Variants in TNKS observed in about 807,000 individuals in gnomAD.
TNKS encodes the protein poly [ADP-ribose] polymerase tankyrase-1.
Under a neutral mutation model 135.8 loss-of-function variants are expected in TNKS, and 72 were observed. The ratio of observed to expected loss-of-function variants is 0.53; its 90% CI spans 0.44 to 0.64. TNKS has a LOEUF of 0.64. Ranked by LOEUF, TNKS falls within the 30% of genes least tolerant of loss-of-function variation. The probability of loss-of-function intolerance (pLI) is 0.00; values close to 1 mark genes in which losing one functional copy is unlikely to be tolerated. For synonymous variants in TNKS, 849 were observed against 649.3 expected (o/e 1.31, Z -4.68); for missense variants, 1,769 against 1,674.0 (o/e 1.06, Z -0.99).
rs570354749 is a variant in TNKS at position 9,728,205 on chromosome 8, A to G, written c.2001+1485A>G. On this transcript the variant is annotated intron_variant, in intron 13 of 26. Transcript: ENST00000310430. ...TTTGATCTGTGGAATGGAAGTAGCA[A>G]AAGAAAACAAAGCAGCACAAATTGA... Among the ~76,000 whole-genome samples the G allele has an allele frequency of 5.9e-5, 9 of 152,332 alleles. No individual in the cohort carries two copies. In the South Asian group the frequency reaches 1.7e-3, roughly 28 times the overall value.
intron 13 of TNKS, among the ~76,000 whole-genome samples, chr8:9,729,029 C>T (rs1011384955): frequency 2.6e-5 from 4 of 152,192 alleles, no homozygotes; most frequent in African/African-American, 7.2e-5. Flanking sequence ...TCCAGGTACT[C>T]GTAGGCTTAG....
intron 3 of TNKS, among the ~76,000 whole-genome samples, chr8:9,654,900 CAGGACAGTGGG>C (rs1223128125): frequency 3.9e-4 from 59 of 149,770 alleles, no homozygotes; most frequent in East Asian, 1.5e-3. Flanking sequence ...ACAGTGGGTG[CAGGACAGTGGG>C]TGCAACGCAC....
chr8:9,643,164 G>C (rs1005951473), intron 3 of TNKS, among the ~76,000 whole-genome samples: 1 of 146,046 alleles, frequency 6.8e-6, no homozygotes, highest in Non-Finnish European at 1.5e-5. Context: ...TAAGAACTTC[G>C]GCAGTGCCAC....
At chr8:9,605,286 T>C (rs565567151) in intron 2 of TNKS, among the ~76,000 whole-genome samples, 1 of 152,182 alleles carries the variant, frequency 6.6e-6, no homozygotes, top group African/African-American at 2.4e-5. Flanking sequence ...CTTTTGCTCA[T>C]CATGTTTTGA....
intron 5 of TNKS, among the ~76,000 whole-genome samples, chr8:9,691,916 T>G (rs1457259576): frequency 6.6e-6 from 1 of 152,234 alleles, no homozygotes; most frequent in African/African-American, 2.4e-5. Flanking sequence ...ATTTATTTGA[T>G]ATATAGAGAG....
chr8:9,634,985 G>A (rs1009769533), intron 3 of TNKS, among the ~76,000 whole-genome samples: 1 of 151,736 alleles, frequency 6.6e-6, no homozygotes, highest in South Asian at 2.1e-4. Flanking sequence ...AGACCACGGT[G>A]AAACCCCGTC....
chr8:9,660,808 C>G (rs1801669587), intron 3 of TNKS, among the ~76,000 whole-genome samples: 1 of 152,166 alleles, frequency 6.6e-6, no homozygotes, highest in Admixed American at 6.5e-5. Flanking sequence ...TCCCTGTTTG[C>G]AGATGACATG....
At position 9,580,138 on chromosome 8, in the gene TNKS, CA is replaced by C. The variant is rs753991136; in HGVS notation, c.674-20del. ...TACAAAATCAAATATATATACAAGA[CA>C]TTTTTTCGTTTCTTTTTAGGTTTTG... On this transcript the variant is annotated intron_variant, in intron 1 of 26. Coordinates refer to ENST00000310430, the MANE Select transcript of TNKS (RefSeq NM_003747.3). 1 of 1,600,368 alleles carries C rather than the reference CA, an allele frequency of 6.2e-7. No individual in the cohort carries two copies. The highest frequency in any genetic ancestry group is 1.1e-5 in the South Asian group (1 of 90,752).
At chr8:9,683,408 C>T (rs1802863725) in intron 5 of TNKS, among the ~76,000 whole-genome samples, 1 of 151,932 alleles carries the variant, frequency 6.6e-6, no homozygotes, top group Non-Finnish European at 1.5e-5. Flanking sequence ...GGTACTTTTT[C>T]ATATGTAGTA....
chr8:9,756,256 A>T (rs1806828839), intron 20 of TNKS, among the ~76,000 whole-genome samples: 1 of 152,060 alleles, frequency 6.6e-6, no homozygotes, highest in Admixed American at 6.6e-5. Flanking sequence ...GTTAGTTCTT[A>T]TTACTCCTGC....
chr8:9,680,479 T>C (rs1212361643), intron 4 of TNKS, among the ~76,000 whole-genome samples: 1 of 152,314 alleles, frequency 6.6e-6, no homozygotes, highest in Middle Eastern at 3.4e-3. Context: ...GAAGATGACT[T>C]TATGTAGATA....
chr8:9,556,732 C>T lies in TNKS; in HGVS notation c.673+120C>T, dbSNP rs147279964. On this transcript the variant is annotated intron_variant, in intron 1 of 26. Transcript: ENST00000310430. ...GGGGCGTGGTTATGGTTCTTCATCA[C>T]CTCACCAGAAGACTGGAGGTTCCTT... is the stretch of plus-strand genomic sequence containing the variant. 24 of 1,152,962 alleles carry T rather than the reference C, an allele frequency of 2.1e-5. No homozygotes were observed. The South Asian group carries it at 2.4e-4, about 11-fold the overall frequency. The allele number at this position is 1,152,962 out of a possible 1,614,324, so 71.4% of individuals were successfully genotyped here. A position where few individuals can be genotyped will look rare whatever the true frequency, so the allele number is the denominator to read the frequency against.
chr8:9,662,943 C>G (rs909282907), intron 3 of TNKS, among the ~76,000 whole-genome samples: 4 of 152,108 alleles, frequency 2.6e-5, no homozygotes, highest in Non-Finnish European at 4.4e-5. Flanking sequence ...AAAAAGACTG[C>G]GGATGTGATT....
At chr8:9,693,914 G>T (rs1184247398) in intron 5 of TNKS, among the ~76,000 whole-genome samples, 1 of 152,198 alleles carries the variant, frequency 6.6e-6, no homozygotes, top group African/African-American at 2.4e-5. Flanking sequence ...GTCTTAGTTT[G>T]CTGAGATCAA....
At position 9,664,211 on chromosome 8, in the gene TNKS, GCTTCA is replaced by G. The variant is rs571355339; in HGVS notation, c.995-15739_995-15735del. ...GTGCCAGCATCTATGTCTGGTGAGG[GCTTCA>G]GATTGCTTCCACTCCTGGCAGAAGG... is the stretch of plus-strand genomic sequence containing the variant. On this transcript the variant is annotated intron_variant, in intron 3 of 26. Transcript: ENST00000310430. Among the ~76,000 whole-genome samples the G allele has an allele frequency of 4.6e-5, 7 of 152,278 alleles. No homozygotes were observed. The South Asian group carries it at 1.5e-3, about 32-fold the overall frequency.
chr8:9,731,648 T>A (rs11784702), intron 14 of TNKS, among the ~76,000 whole-genome samples: 2 of 152,068 alleles, frequency 1.3e-5, no homozygotes, highest in Non-Finnish European at 2.9e-5. Flanking sequence ...ACACAAATGG[T>A]GGTGCCTTCC....
At chr8:9,631,303 T>A (rs1326134112) in intron 3 of TNKS, among the ~76,000 whole-genome samples, 2 of 152,222 alleles carry the variant, frequency 1.3e-5, no homozygotes, top group African/African-American at 4.8e-5. Flanking sequence ...TGAGCCATTT[T>A]AGGGTGTGTA....
chr8:9,642,097 C>T (rs1159193446), intron 3 of TNKS, among the ~76,000 whole-genome samples: 1 of 145,572 alleles, frequency 6.9e-6, no homozygotes, highest in Non-Finnish European at 1.5e-5. Flanking sequence ...ACTTTAGCGT[C>T]TAAAGAATCT....
intron 15 of TNKS, 138 bp from the exon 16 acceptor site, chr8:9,734,727 G>A: frequency 4.3e-6 from 3 of 691,076 alleles, no homozygotes; most frequent in Non-Finnish European, 7.2e-6. Flanking sequence ...TAGGAATTTT[G>A]CAAAGTGTTT....
Sources: gnomAD v4.1 joint callset for allele counts (sites outside exome capture counted in the v4.1 genomes callset) on GRCh38, gnomAD v4.1.1 for gene constraint, MANE v1.5 for transcripts, NCBI Gene and HGNC (gene_info 2026-07-23, HGNC 2026-07-21) for gene names.